Variants in CSMD3 observed in about 807,000 individuals in gnomAD.
CSMD3 encodes the protein CUB and Sushi multiple domains 3, also known as CUB and sushi domain-containing protein 3.
In CSMD3, 177 loss-of-function variants were observed where a neutral mutation model predicts 435.2. The ratio of observed to expected loss-of-function variants is 0.41; its 90% CI spans 0.36 to 0.46. CSMD3 has a LOEUF of 0.46. Ranked by LOEUF, CSMD3 falls within the 20% of genes least tolerant of loss-of-function variation. The probability of loss-of-function intolerance (pLI) is 0.34; values close to 1 mark genes in which losing one functional copy is unlikely to be tolerated. For missense variants in CSMD3, 4,265 were observed against 4,504.6 expected (o/e 0.95, Z 1.52); for synonymous variants, 1,656 against 1,520.5 (o/e 1.09, Z -2.07).
At chr8:112,485,233 T>G (rs180975422) in intron 31 of CSMD3, among the ~76,000 whole-genome samples, 1 of 152,068 alleles carries the variant, frequency 6.6e-6, no homozygotes, top group Non-Finnish European at 1.5e-5. Context: ...CAATGCAAAA[T>G]ACATTAAAAT....
intron 45 of CSMD3, 122 bp from the exon 46 acceptor site, chr8:112,320,103 C>A: frequency 1.5e-6 from 1 of 681,992 alleles, no homozygotes; most frequent in South Asian, 1.7e-5. Flanking sequence ...CATAATTTAT[C>A]AAGTGTCAAT....
chr8:112,662,531 A>C (rs1242527437), intron 17 of CSMD3, among the ~76,000 whole-genome samples: 2 of 152,140 alleles, frequency 1.3e-5, no homozygotes, highest in Non-Finnish European at 2.9e-5. Flanking sequence ...TTCAAGATGG[A>C]TTAAAGACTT....
intron 13 of CSMD3, among the ~76,000 whole-genome samples, chr8:112,712,005 G>A (rs2076620473): frequency 6.6e-6 from 1 of 152,086 alleles, no homozygotes; most frequent in African/African-American, 2.4e-5. Context: ...ACTTTTGTTG[G>A]CTTGGAGCCA....
chr8:113,174,273 C>T (rs1259474914), intron 3 of CSMD3, among the ~76,000 whole-genome samples: 1 of 152,084 alleles, frequency 6.6e-6, no homozygotes, highest in Non-Finnish European at 1.5e-5. Context: ...TAAGCAAATT[C>T]ATTTCCTTAA....
intron 22 of CSMD3, among the ~76,000 whole-genome samples, chr8:112,594,736 C>A (rs1161144288): frequency 6.6e-6 from 1 of 152,174 alleles, no homozygotes; most frequent in Non-Finnish European, 1.5e-5. Flanking sequence ...AACTGGGAGG[C>A]ACCCCCCAGT....
chr8:112,330,458 A>G (rs1001670518), intron 45 of CSMD3, among the ~76,000 whole-genome samples: 3 of 152,096 alleles, frequency 2.0e-5, no homozygotes, highest in African/African-American at 7.2e-5. Context: ...TAAACACCAT[A>G]AAATAATTTC....
At chr8:112,606,354 T>C (rs1481419748) in intron 22 of CSMD3, among the ~76,000 whole-genome samples, 1 of 151,972 alleles carries the variant, frequency 6.6e-6, no homozygotes, top group African/African-American at 2.4e-5. Flanking sequence ...CCTGAAGTGG[T>C]TGACACTGCT....
At chr8:113,271,729 C>T (rs1308619224) in intron 3 of CSMD3, among the ~76,000 whole-genome samples, 1 of 152,138 alleles carries the variant, frequency 6.6e-6, no homozygotes, top group Non-Finnish European at 1.5e-5. Context: ...TGGGGCACCA[C>T]TTAGTGAGCT....
intron 31 of CSMD3, among the ~76,000 whole-genome samples, chr8:112,476,517 A>T (rs548996844): frequency 6.6e-6 from 1 of 152,156 alleles, no homozygotes; most frequent in South Asian, 2.1e-4. Flanking sequence ...ATTTTTTTAC[A>T]TGTAATATCT....
intron 16 of CSMD3, among the ~76,000 whole-genome samples, chr8:112,669,632 AG>A (rs759955663): frequency 5.3e-5 from 8 of 152,176 alleles, no homozygotes; most frequent in Non-Finnish European, 1.0e-4. Context: ...GAAAGCAAAA[AG>A]GGGACCAAGG....
intron 32 of CSMD3, among the ~76,000 whole-genome samples, chr8:112,438,274 A>T (rs1045614182): frequency 6.6e-6 from 1 of 152,194 alleles, no homozygotes; most frequent in Non-Finnish European, 1.5e-5. Flanking sequence ...TGCTGAAAAC[A>T]GTTGATCAGG....
intron 2 of CSMD3, among the ~76,000 whole-genome samples, chr8:113,300,365 C>A (rs931427115): frequency 1.3e-5 from 2 of 152,028 alleles, no homozygotes; most frequent in Non-Finnish European, 2.9e-5. Flanking sequence ...AAAAATCATT[C>A]TATAAAAATG....
intron 38 of CSMD3, among the ~76,000 whole-genome samples, chr8:112,360,440 CT>C (rs1464582791): frequency 6.6e-6 from 1 of 151,808 alleles, no homozygotes; most frequent in East Asian, 1.9e-4. Flanking sequence ...GGTGTTTTAA[CT>C]TTTTAAAAAA....
intron 27 of CSMD3, among the ~76,000 whole-genome samples, chr8:112,524,662 A>G (rs776954835): frequency 6.6e-6 from 1 of 152,026 alleles, no homozygotes; most frequent in East Asian, 1.9e-4. Context: ...AGCATGAAAC[A>G]AGAAGCTAAA....
intron 52 of CSMD3, among the ~76,000 whole-genome samples, chr8:112,302,886 AT>A (rs1011976351): frequency 7.7e-4 from 116 of 151,278 alleles, no homozygotes; most frequent in African/African-American, 2.8e-3. Flanking sequence ...TAATATTTAT[AT>A]TATTTTCATT....
At chr8:113,256,685 AAGG>A (rs1484142971) in intron 3 of CSMD3, among the ~76,000 whole-genome samples, 1 of 152,198 alleles carries the variant, frequency 6.6e-6, no homozygotes, top group African/African-American at 2.4e-5. Context: ...CATCCTACTT[AAGG>A]AGGAGTAGGA....
intron 21 of CSMD3, 34 bp from the exon 22 acceptor site, chr8:112,637,039 G>A (rs769707229): frequency 6.5e-7 from 1 of 1,549,254 alleles, no homozygotes; most frequent in Non-Finnish European, 8.9e-7. Flanking sequence ...CCCCGCGGGG[G>A]AGGAAAGGAC....
chr8:112,272,916 A>G (rs1817663912), intron 59 of CSMD3, among the ~76,000 whole-genome samples: 2 of 152,158 alleles, frequency 1.3e-5, no homozygotes, highest in South Asian at 4.1e-4. Flanking sequence ...GGGTGTTAGT[A>G]ACTTTTTGCC....
intron 11 of CSMD3, among the ~76,000 whole-genome samples, chr8:112,847,660 G>A (rs1225626475): frequency 1.3e-5 from 2 of 152,124 alleles, no homozygotes; most frequent in African/African-American, 2.4e-5. Context: ...GCCTGGCTGA[G>A]GTTTCAGACC....
Sources: gnomAD v4.1 joint callset for allele counts (sites outside exome capture counted in the v4.1 genomes callset) on GRCh38, gnomAD v4.1.1 for gene constraint, MANE v1.5 for transcripts, NCBI Gene and HGNC (gene_info 2026-07-23, HGNC 2026-07-21) for gene names.